ZNF248: variants seen among roughly 807,000 people sequenced by gnomAD.
ZNF248 encodes zinc finger protein 248, also known as KRAB protein domain.
ZNF248 carries 20 observed loss-of-function variants against 44.3 expected under a neutral mutation model. The ratio of observed to expected loss-of-function variants is 0.45; its 90% CI spans 0.32 to 0.66. The LOEUF (loss-of-function observed/expected upper bound fraction) is 0.66, where lower values mean the gene tolerates loss of function less well. Ranked by LOEUF, ZNF248 falls within the 30% of genes least tolerant of loss-of-function variation. The pLI is 0.04. For synonymous variants in ZNF248, 224 were observed against 229.0 expected (o/e 0.98, Z 0.20); for missense variants, 654 against 677.0 (o/e 0.97, Z 0.38).
intron 5 of ZNF248, among the ~76,000 whole-genome samples, chr10:37,836,941 T>TAC (rs1209923184): frequency 2.0e-5 from 3 of 149,858 alleles, no homozygotes; most frequent in African/African-American, 7.6e-5. Context: ...ATTGCATGAA[T>TAC]ACCTGTCAGC....
chr10:37,784,312 T>G (rs2047635102), intron 6 of ZNF248, among the ~76,000 whole-genome samples: 1 of 152,208 alleles, frequency 6.6e-6, no homozygotes, highest in Admixed American at 6.5e-5. Context: ...AGTATACAGA[T>G]ATGTCCTGCG....
intron 3 of ZNF248, among the ~76,000 whole-genome samples, chr10:37,851,859 G>A (rs1304182803): frequency 1.3e-5 from 2 of 151,126 alleles, no homozygotes; most frequent in African/African-American, 4.9e-5. Flanking sequence ...AGTGGCTAGC[G>A]GAAATATAAA....
At chr10:37,762,736 G>T in the ZNF248 span, among the ~76,000 whole-genome samples, 1 of 152,114 alleles carries the variant, frequency 6.6e-6, no homozygotes, top group East Asian at 1.9e-4. Flanking sequence ...TAGTTCCTGG[G>T]TTACATACAA....
At chr10:37,772,886 C>A (rs2046318326), downstream of ZNF248, among the ~76,000 whole-genome samples, 1 of 152,178 alleles carries the variant, frequency 6.6e-6, no homozygotes, top group African/African-American at 2.4e-5. Flanking sequence ...CAAACCAAAT[C>A]TTCACTTATA....
Position 37,837,707 on chromosome 10 carries a change from A to C in ZNF248, c.148T>G (p.Cys50Gly), listed in dbSNP as rs1327669740. 6.2e-7 allele frequency: 1 copy of C among 1,613,890 alleles called. No homozygotes were observed. Among genetic ancestry groups the C allele is most frequent in the Non-Finnish European group, 8.5e-7 (1 of 1,179,888 alleles). The change falls in exon 5 of 6, where the codon TGC becomes GGC. Residue 50 changes from cysteine (C) to glycine (G), a missense_variant. Physicochemically the swap from Cys to Gly is radical, Grantham distance 159. Transcript: ENST00000395867. ...NYSNLVSVGY[C>G]ITKPEVIFKI... ...AAGATCACTTCTGGTTTAGTAATGC[A>C]ATACCCTGTTAAGAGAAAATACCAC...
chr10:37,843,839 A>G (rs1213634282), intron 3 of ZNF248, among the ~76,000 whole-genome samples: 1 of 152,188 alleles, frequency 6.6e-6, no homozygotes, highest in Non-Finnish European at 1.5e-5. Context: ...TGGAGAATAT[A>G]AAAATTGAAG....
the ZNF248 span, among the ~76,000 whole-genome samples, chr10:37,766,908 C>T: frequency 3.9e-5 from 6 of 152,002 alleles, no homozygotes; most frequent in Non-Finnish European, 5.9e-5. Flanking sequence ...ACTAGAATAA[C>T]CAACACAGAG....
chr10:37,843,379 T>A (rs2058696949), intron 3 of ZNF248, among the ~76,000 whole-genome samples: 1 of 148,688 alleles, frequency 6.7e-6, no homozygotes, highest in African/African-American at 2.5e-5. Flanking sequence ...GAGCCGAGAT[T>A]GCACCGCTGC....
chr10:37,781,740 C>G (rs2079045848), intron 6 of ZNF248, among the ~76,000 whole-genome samples: 1 of 152,200 alleles, frequency 6.6e-6, no homozygotes, highest in South Asian at 2.1e-4. Flanking sequence ...ATTGACCAGG[C>G]ACTGACATTT....
chr10:37,785,187 G>A (rs976005106), intron 6 of ZNF248, among the ~76,000 whole-genome samples: 2 of 152,220 alleles, frequency 1.3e-5, no homozygotes, highest in African/African-American at 2.4e-5. Context: ...CACTGTGTGG[G>A]GTTCTGACAA....
chr10:37,836,265 C>T (rs1028122014), intron 5 of ZNF248, among the ~76,000 whole-genome samples: 1 of 152,204 alleles, frequency 6.6e-6, no homozygotes, highest in African/African-American at 2.4e-5. Flanking sequence ...AGTATATACA[C>T]TGCATAGATG....
chr10:37,825,908 A>AG (rs1322199546), downstream of ZNF248, among the ~76,000 whole-genome samples: 345 of 151,678 alleles, frequency 2.3e-3, 2 homozygotes, highest in African/African-American at 8.1e-3. Flanking sequence ...AAAAAAAAAA[A>AG]AGGGGGGGAG....
chr10:37,772,385 T>C (rs573976161), downstream of ZNF248, among the ~76,000 whole-genome samples: 104 of 152,286 alleles, frequency 6.8e-4, no homozygotes, highest in African/African-American at 2.5e-3. Context: ...GTGTGTTACA[T>C]ATATAATATA....
At chr10:37,824,587 A>G (rs2054036478), downstream of ZNF248, among the ~76,000 whole-genome samples, 1 of 151,804 alleles carries the variant, frequency 6.6e-6, no homozygotes, top group African/African-American at 2.4e-5. Context: ...AATTTAAACT[A>G]CCAAAGCATT....
intron 3 of ZNF248, among the ~76,000 whole-genome samples, chr10:37,851,565 T>C (rs2060225805): frequency 6.6e-6 from 1 of 152,046 alleles, no homozygotes. Context: ...TGAAACATAC[T>C]TGTTAATAAA....
chr10:37,765,847 C>T, the ZNF248 span, among the ~76,000 whole-genome samples: 1 of 152,214 alleles, frequency 6.6e-6, no homozygotes, highest in Non-Finnish European at 1.5e-5. Flanking sequence ...TCAGGGAGTT[C>T]CCTTTCCTAG....
At chr10:37,782,196 G>C (rs1485672023) in intron 6 of ZNF248, among the ~76,000 whole-genome samples, 1 of 152,142 alleles carries the variant, frequency 6.6e-6, no homozygotes, top group Non-Finnish European at 1.5e-5. Flanking sequence ...CTTGCCTCTA[G>C]TACTATGTTG....
chr10:37,798,077 T>C (rs2049361961), intron 6 of ZNF248, among the ~76,000 whole-genome samples: 1 of 152,088 alleles, frequency 6.6e-6, no homozygotes, highest in South Asian at 2.1e-4. Context: ...GTCTACAAAC[T>C]GATAATAGAT....
At chr10:37,767,811 A>G in the ZNF248 span, among the ~76,000 whole-genome samples, 4 of 152,364 alleles carry the variant, frequency 2.6e-5, no homozygotes, top group South Asian at 8.3e-4. Flanking sequence ...AAATGCTCCA[A>G]TTAAAAGACA....
Sources: gnomAD v4.1 joint callset for allele counts (sites outside exome capture counted in the v4.1 genomes callset) on GRCh38, gnomAD v4.1.1 for gene constraint, MANE v1.5 for transcripts, NCBI Gene and HGNC (gene_info 2026-07-23, HGNC 2026-07-21) for gene names.